NT5DC1: variants seen among roughly 807,000 people sequenced by gnomAD.
NT5DC1 encodes 5'-nucleotidase domain containing 1.
A neutral mutation model predicts 59.4 loss-of-function variants in NT5DC1; 42 were observed. The ratio of observed to expected loss-of-function variants is 0.71; its 90% CI spans 0.55 to 0.92. The LOEUF is 0.92. NT5DC1 is among the 40% of genes least tolerant of loss of function. The pLI, the probability that NT5DC1 is intolerant of heterozygous loss-of-function variation, is 0.00. For missense variants in NT5DC1, 501 were observed against 537.1 expected (o/e 0.93, Z 0.66); for synonymous variants, 172 against 188.1 (o/e 0.91, Z 0.70).
Position 116,238,368 on chromosome 6 carries a change from C to T in NT5DC1, c.1083+20C>T, listed in dbSNP as rs1299970602. 2.6e-6 allele frequency: 4 copies of T among 1,519,394 alleles called. No individual in the cohort carries two copies. The highest frequency in any genetic ancestry group is 3.5e-6 in the Non-Finnish European group (4 of 1,134,952). 94.1% of individuals were successfully genotyped at this position (1,519,394 alleles called of 1,614,324 possible). ...TATGAGGTAAGGGTTCCCTGCAGCT[C>T]TTTCCTTGAAAGACAAATATTTATG... On this transcript the variant is annotated intron_variant, in intron 10 of 11. Transcript: ENST00000319550.
Position 116,103,650 on chromosome 6 carries a change from A to G in NT5DC1, c.94-2594A>G, listed in dbSNP as rs146827678. ...TGGTGGAGAAGTCAGTGGGGGCTGC[A>G]TCATGGAGAGCTGTGAGTGCGTCTC... On this transcript the variant is annotated intron_variant, in intron 1 of 11. Transcript: ENST00000319550. Among the ~76,000 whole-genome samples the G allele has an allele frequency of 2.8e-3, 431 of 152,230 alleles. 2 individuals are homozygous for G. The highest frequency in any genetic ancestry group is 0.01 in the African/African-American group (416 of 41,534).
intron 6 of NT5DC1, among the ~76,000 whole-genome samples, chr6:116,150,126 G>A (rs1350648105): frequency 1.3e-5 from 2 of 152,126 alleles, no homozygotes; most frequent in African/African-American, 4.8e-5. Context: ...TTTGACAAGG[G>A]CAATGAGAGG....
chr6:116,199,256 G>C (rs555873749), intron 6 of NT5DC1, among the ~76,000 whole-genome samples: 1 of 152,192 alleles, frequency 6.6e-6, no homozygotes. Flanking sequence ...CCTTCTGAAA[G>C]GACTATCTTC....
intron 6 of NT5DC1, among the ~76,000 whole-genome samples, chr6:116,147,448 G>GA (rs556565182): frequency 3.1e-3 from 436 of 138,854 alleles, no homozygotes; most frequent in Admixed American, 4.9e-3. Context: ...TCTCAAAAAA[G>GA]AAAAAAAAAA....
chr6:116,210,803 G>A (rs1370423771), intron 6 of NT5DC1, among the ~76,000 whole-genome samples: 1 of 151,798 alleles, frequency 6.6e-6, no homozygotes, highest in Non-Finnish European at 1.5e-5. Flanking sequence ...AGAAACACAG[G>A]TAAAAAAAAC....
intron 6 of NT5DC1, among the ~76,000 whole-genome samples, chr6:116,178,111 G>T (rs1266980134): frequency 1.2e-5 from 1 of 81,806 alleles, no homozygotes; most frequent in Non-Finnish European, 2.6e-5. Context: ...GCGTGCGTGC[G>T]TGTGTGTGTG....
chr6:116,171,044 ATC>A (rs987589819), intron 6 of NT5DC1, among the ~76,000 whole-genome samples: 6 of 150,994 alleles, frequency 4.0e-5, no homozygotes, highest in African/African-American at 1.5e-4. Flanking sequence ...TGATTCACAC[ATC>A]TCTCTGTTTT....
At chr6:116,163,141 A>AAATATATATATATATAT (rs761718922) in intron 6 of NT5DC1, among the ~76,000 whole-genome samples, 1 of 88,408 alleles carries the variant, frequency 1.1e-5, no homozygotes, top group African/African-American at 5.8e-5. Flanking sequence ...AAAAAAAAAA[A>AAATATATATATATATAT]ATATATATAT....
intron 6 of NT5DC1, 133 bp downstream of exon 6, chr6:116,118,078 G>C (rs1199651654): frequency 1.5e-6 from 1 of 686,146 alleles, no homozygotes; most frequent in Admixed American, 2.3e-5. Context: ...TTATTATAAA[G>C]TTGGTTCTGA....
intron 4 of NT5DC1, among the ~76,000 whole-genome samples, chr6:116,114,516 A>G (rs1299872578): frequency 1.8e-5 from 2 of 113,610 alleles, no homozygotes; most frequent in African/African-American, 7.0e-5. Flanking sequence ...CCTCATATAC[A>G]TAGCTTGCAA....
chr6:116,102,326 A>T (rs2114894319), intron 1 of NT5DC1, among the ~76,000 whole-genome samples: 1 of 152,206 alleles, frequency 6.6e-6, no homozygotes, highest in Middle Eastern at 3.4e-3. Flanking sequence ...ATTTTTTTTT[A>T]AATGTCCTTT....
intron 8 of NT5DC1, among the ~76,000 whole-genome samples, chr6:116,230,484 G>A (rs745407689): frequency 6.6e-6 from 1 of 152,150 alleles, no homozygotes; most frequent in Non-Finnish European, 1.5e-5. Flanking sequence ...TCATGTACAC[G>A]TGAATCACCT....
intron 6 of NT5DC1, among the ~76,000 whole-genome samples, chr6:116,151,788 T>A (rs957935029): frequency 6.6e-6 from 1 of 152,200 alleles, no homozygotes; most frequent in Non-Finnish European, 1.5e-5. Flanking sequence ...AAACTTTTTT[T>A]AAAAAAGCAG....
chr6:116,124,115 G>A (rs1042527904), intron 6 of NT5DC1, among the ~76,000 whole-genome samples: 1 of 151,738 alleles, frequency 6.6e-6, no homozygotes, highest in African/African-American at 2.4e-5. Context: ...TTGTATACCT[G>A]TGCATTTATT....
rs186350913 is a variant in NT5DC1 at position 116,126,355 on chromosome 6, C to T, written c.529+8410C>T. Reference sequence around the variant, plus strand: ...TATATTAATAGTTTTAACCAAGGACCGTCTTTGTCTGTGATTCTATTTTAT... The same window carrying T: ...TATATTAATAGTTTTAACCAAGGACTGTCTTTGTCTGTGATTCTATTTTAT... On this transcript the variant is annotated intron_variant, in intron 6 of 11. Transcript: ENST00000319550. 2.6e-3 allele frequency among the ~76,000 whole-genome samples: 398 copies of T among 151,918 alleles called. 10 individuals are homozygous for T. The South Asian group carries it at 0.044, about 17-fold the overall frequency.
At chr6:116,119,716 AT>A in intron 6 of NT5DC1, 1 of 190,844 alleles carries the variant, frequency 5.2e-6, no homozygotes, top group Non-Finnish European at 1.1e-5. Flanking sequence ...CTCAAATCAA[AT>A]TTCACATAAC....
chr6:116,229,058 G>T (rs1448665429), intron 8 of NT5DC1, among the ~76,000 whole-genome samples: 2 of 152,188 alleles, frequency 1.3e-5, no homozygotes, highest in African/African-American at 4.8e-5. Context: ...CAGGAAAGTT[G>T]ATGTGCTTGC....
rs73773832 is a variant in NT5DC1, at chr6:116,248,123, A to C, written c.*4099A>C. ...GTCATGTGTCAGTAGGGTTTTTGTT[A>C]ACATTTGTATGCCAAATTTATTACG... On this transcript the variant is annotated 3_prime_UTR_variant, in exon 12 of 12. Coordinates refer to ENST00000319550, the MANE Select transcript of NT5DC1 (RefSeq NM_152729.3). 1 of 152,234 alleles carries C rather than the reference A, an allele frequency of 6.6e-6. No individual in the cohort carries two copies. The highest frequency in any genetic ancestry group is 2.4e-5 in the African/African-American group (1 of 41,450). The allele number at this position is 152,234 out of a possible 1,614,324, so 9.4% of individuals were successfully genotyped here. A position where few individuals can be genotyped will look rare whatever the true frequency, so the allele number is the denominator to read the frequency against.
intron 6 of NT5DC1, among the ~76,000 whole-genome samples, chr6:116,140,956 A>C (rs897670300): frequency 6.6e-5 from 10 of 152,148 alleles, no homozygotes; most frequent in Non-Finnish European, 1.5e-4. Flanking sequence ...ATGCAAAAGA[A>C]TCTTTCTAGG....
Sources: gnomAD v4.1 joint callset for allele counts (sites outside exome capture counted in the v4.1 genomes callset) on GRCh38, gnomAD v4.1.1 for gene constraint, MANE v1.5 for transcripts, NCBI Gene and HGNC (gene_info 2026-07-23, HGNC 2026-07-21) for gene names.